Variants in SVEP1 observed in about 807,000 individuals in gnomAD.
SVEP1 encodes the protein sushi, von Willebrand factor type A, EGF and pentraxin domain containing 1.
A neutral mutation model predicts 367.3 loss-of-function variants in SVEP1; 164 were observed. The ratio of observed to expected loss-of-function variants is 0.45; its 90% CI spans 0.39 to 0.51. The LOEUF (loss-of-function observed/expected upper bound fraction) is 0.51. Among genes scored for constraint, SVEP1 ranks in the 20% least tolerant of loss-of-function variants. The pLI is 0.00. For synonymous variants in SVEP1, 1,666 were observed against 1,611.6 expected (o/e 1.03, Z -0.81); for missense variants, 4,117 against 4,425.3 (o/e 0.93, Z 1.98).
At position 110,456,467 on chromosome 9, in the gene SVEP1, C is replaced by G. The variant is rs200887322; in HGVS notation, c.3674-764G>C. Among the ~76,000 whole-genome samples, 6 of 152,184 alleles carry G rather than the reference C, an allele frequency of 3.9e-5. No homozygotes were observed. In the East Asian group the frequency reaches 1.2e-3, roughly 29 times the overall value. The stretch of plus-strand genomic sequence containing the variant: ...ATTTTTATAAAAATCCACAGAGACA[C>G]ACATGCACACAACACGAGCCAGCTA... On this transcript the variant is annotated intron_variant, in intron 21 of 47. Transcript: ENST00000374469.
chr9:110,481,909 C>T (rs2118704027), intron 11 of SVEP1, among the ~76,000 whole-genome samples: 1 of 152,152 alleles, frequency 6.6e-6, no homozygotes, highest in Admixed American at 6.5e-5. Context: ...GACAGGGTTT[C>T]ACTACATTGG....
intron 9 of SVEP1, among the ~76,000 whole-genome samples, chr9:110,484,714 C>T (rs1274553734): frequency 6.6e-6 from 1 of 151,554 alleles, no homozygotes; most frequent in African/African-American, 2.4e-5. Flanking sequence ...GTCTAATATC[C>T]AGAATCTACA....
At chr9:110,475,778 G>A (rs72746776) in intron 14 of SVEP1, 20,069 of 158,244 alleles carry the variant, frequency 0.13, 1,503 homozygotes, top group Non-Finnish European at 0.17. Flanking sequence ...TATTAGACTC[G>A]AATAAATGGA....
In SVEP1 at chr9:110,435,252, A is replaced by G; in HGVS notation, c.4877T>C (p.Ile1626Thr). Residue 1626 changes from isoleucine to threonine, a missense_variant, in exon 29 of 48, where the codon ATA (isoleucine) becomes ACA (threonine). By Grantham distance (89) the Ile-to-Thr change is moderately conservative. Transcript: ENST00000374469. ...VGKVKIDSKS[I>T]FCSDCPRLGG... The stretch of plus-strand genomic sequence containing the variant: ...AAGGAAATTCTCACCAGAACAAAAT[A>G]TGCTCTTAGAATCGATCTTCACTTT... 6.2e-7 allele frequency: 1 copy of G among 1,613,044 alleles called. No individual in the cohort carries two copies. The highest frequency in any genetic ancestry group is 8.5e-7 in the Non-Finnish European group (1 of 1,179,248).
At chr9:110,570,970 CTTTT>C (rs374900472) in intron 1 of SVEP1, among the ~76,000 whole-genome samples, 6 of 114,928 alleles carry the variant, frequency 5.2e-5, no homozygotes, top group African/African-American at 9.3e-5. Context: ...CAGATGGCTC[CTTTT>C]TTTTTTTTTT....
chr9:110,443,641 T>C lies in SVEP1; in HGVS notation c.4543A>G (p.Ile1515Val), dbSNP rs1828547803. 1 of 1,613,394 alleles carries C rather than the reference T, an allele frequency of 6.2e-7. No individual in the cohort carries two copies. Reference sequence around the variant, plus strand: ...ATGCCATTGGCACTTGTCCAAGTGATTGCAATATGATGCCATCTGCCATCA... The same window carrying C: ...ATGCCATTGGCACTTGTCCAAGTGACTGCAATATGATGCCATCTGCCATCA... ...VNDGRWHHIA[I>V]TWTSANGIWK... Residue 1515 changes from isoleucine to valine, a missense_variant, in exon 27 of 48, where the codon ATC becomes GTC. Coordinates refer to ENST00000374469, the MANE Select transcript of SVEP1 (RefSeq NM_153366.4).
rs367739350 is a variant in SVEP1, at chr9:110,430,405, G to A, written c.5399C>T (p.Ser1800Phe). Residue 1800 changes from serine to phenylalanine, a missense_variant, in exon 33 of 48, where the codon TCC becomes TTC. Physicochemically the swap from Ser to Phe is radical, Grantham distance 155 (BLOSUM62 -2). Transcript: ENST00000374469. ...ACCTACTGTATAAATCTCACCTGAG[G>A]AGTGGCCATTTTCCGGATTTCCTGG... ...KAPGNPENGHSSGEIYTVGAE... is the reference protein window; with the variant it reads ...KAPGNPENGHFSGEIYTVGAE... The A allele has an allele frequency of 6.1e-5, 99 of 1,613,030 alleles. No homozygotes were observed. Among genetic ancestry groups the A allele is most frequent in the Admixed American group, 2.0e-4 (12 of 59,820 alleles).
chr9:110,553,286 C>T (rs1051704863), intron 1 of SVEP1, among the ~76,000 whole-genome samples: 3 of 152,162 alleles, frequency 2.0e-5, no homozygotes, highest in Non-Finnish European at 4.4e-5. Flanking sequence ...AAGTGCAGTG[C>T]TTGAGAGCCT....
intron 3 of SVEP1, among the ~76,000 whole-genome samples, chr9:110,517,339 T>A (rs1167507143): frequency 6.6e-6 from 1 of 152,052 alleles, no homozygotes; most frequent in Non-Finnish European, 1.5e-5. Context: ...GGCTCATGCC[T>A]ATAATCCCAG....
At chr9:110,533,898 C>T (rs1297806850) in intron 3 of SVEP1, among the ~76,000 whole-genome samples, 1 of 146,064 alleles carries the variant, frequency 6.8e-6, no homozygotes, top group Non-Finnish European at 1.6e-5. Context: ...CTGGAAATAG[C>T]AGCAAAATAT....
At chr9:110,490,362 T>C (rs1307514050) in intron 8 of SVEP1, among the ~76,000 whole-genome samples, 2 of 152,196 alleles carry the variant, frequency 1.3e-5, no homozygotes, top group Non-Finnish European at 2.9e-5. Context: ...TCCAGCTATT[T>C]TGGAATATAT....
intron 17 of SVEP1, among the ~76,000 whole-genome samples, 199 bp downstream of exon 17, chr9:110,468,741 G>T (rs896055316): frequency 6.6e-6 from 1 of 152,182 alleles, no homozygotes; most frequent in African/African-American, 2.4e-5. Flanking sequence ...AGGTTTCCCT[G>T]ATTCATTTCT....
chr9:110,449,941 G>A (rs1360947893), intron 24 of SVEP1, 118 bp downstream of exon 24: 15 of 1,173,524 alleles, frequency 1.3e-5, no homozygotes, highest in East Asian at 2.4e-5. Context: ...GCCTATCCTC[G>A]GGCCAGCATT....
At chr9:110,429,838 C>T (rs950804284) in intron 34 of SVEP1, 82 bp downstream of exon 34, 4 of 1,157,038 alleles carry the variant, frequency 3.5e-6, no homozygotes, top group Non-Finnish European at 5.1e-6. Flanking sequence ...ATTATTTTCC[C>T]ACCCCCTTTC....
At chr9:110,501,417 A>AT (rs1435236483) in intron 6 of SVEP1, among the ~76,000 whole-genome samples, 1 of 150,794 alleles carries the variant, frequency 6.6e-6, no homozygotes, top group South Asian at 2.1e-4. Flanking sequence ...ATTTTTCTTT[A>AT]TTTTTTCTAA....
At chr9:110,452,398 C>T (rs1237231155) in intron 22 of SVEP1, among the ~76,000 whole-genome samples, 1 of 152,072 alleles carries the variant, frequency 6.6e-6, no homozygotes, top group East Asian at 1.9e-4. Context: ...CACCAGGTGT[C>T]GCTAATATGA....
intron 40 of SVEP1, among the ~76,000 whole-genome samples, chr9:110,397,805 A>C (rs1827789074): frequency 6.6e-6 from 1 of 152,182 alleles, no homozygotes; most frequent in African/African-American, 2.4e-5. Context: ...GGGCCTCTTC[A>C]AGGAGAACTA....
At chr9:110,438,312 A>G (rs1173934149) in intron 27 of SVEP1, among the ~76,000 whole-genome samples, 2 of 150,808 alleles carry the variant, frequency 1.3e-5, no homozygotes. Context: ...TCAGCCTCCC[A>G]AATAGATAGC....
At chr9:110,423,168 T>TAAAAAAAAAAAAAAAAA in intron 36 of SVEP1, among the ~76,000 whole-genome samples, 12 of 103,624 alleles carry the variant, frequency 1.2e-4, no homozygotes, top group African/African-American at 1.7e-4. Context: ...AAAAATAAAG[T>TAAAAAAAAAAAAAAAAA]AAAAAAAAAA....
Sources: gnomAD v4.1 joint callset for allele counts (sites outside exome capture counted in the v4.1 genomes callset) on GRCh38, gnomAD v4.1.1 for gene constraint, MANE v1.5 for transcripts, NCBI Gene and HGNC (gene_info 2026-07-23, HGNC 2026-07-21) for gene names.